Variants in SLC14A2 observed in about 807,000 individuals in gnomAD.
SLC14A2 encodes solute carrier family 14 member 2.
Under a neutral mutation model 104.6 loss-of-function variants are expected in SLC14A2, and 91 were observed. That is an observed-to-expected ratio of 0.87 (90% CI 0.73 to 1.04). The LOEUF is 1.04. Among genes scored for constraint, SLC14A2 ranks in the 50% least tolerant of loss-of-function variants. The probability of loss-of-function intolerance (pLI) is 0.00; values close to 1 mark genes in which losing one functional copy is unlikely to be tolerated. For missense variants in SLC14A2, 1,189 were observed against 1,156.0 expected, an observed-to-expected ratio of 1.03 and a Z score of -0.41; for synonymous variants, 476 against 466.4, an observed-to-expected ratio of 1.02 and a Z score of -0.27.
intron 1 of SLC14A2, among the ~76,000 whole-genome samples, chr18:45,265,028 A>G (rs1401035004): frequency 6.6e-6 from 1 of 152,174 alleles, no homozygotes; most frequent in African/African-American, 2.4e-5. Flanking sequence ...CAGGAGCAAG[A>G]CATTCATTAA....
At chr18:45,283,523 C>CA (rs371508856) in intron 1 of SLC14A2, among the ~76,000 whole-genome samples, 2 of 151,936 alleles carry the variant, frequency 1.3e-5, no homozygotes, top group Admixed American at 6.6e-5. Flanking sequence ...CAACATCAAC[C>CA]AAAAAAATGC....
At chr18:45,261,612 T>A (rs1249308969) in intron 1 of SLC14A2, among the ~76,000 whole-genome samples, 2 of 151,696 alleles carry the variant, frequency 1.3e-5, no homozygotes, top group African/African-American at 4.8e-5. Context: ...CCTGTGTCCA[T>A]GTGTTCTCAT....
At chr18:45,623,892 A>G (rs1399023634) in intron 1 of SLC14A2, among the ~76,000 whole-genome samples, 1 of 152,220 alleles carries the variant, frequency 6.6e-6, no homozygotes, top group African/African-American at 2.4e-5. Context: ...AGGCTAGAGA[A>G]GAAATGCACA....
the SLC14A2 span, chr18:45,168,955 A>G: frequency 1.3e-5 from 2 of 152,218 alleles, no homozygotes; most frequent in Admixed American, 6.5e-5. Flanking sequence ...ACCAAATTCA[A>G]TGATGACAGG....
chr18:45,549,538 C>G lies in SLC14A2; in HGVS notation c.-35+66216C>G, dbSNP rs1022506514. On this transcript the variant is annotated intron_variant, in intron 2 of 20. Coordinates refer to the SLC14A2 transcript ENST00000586448. ...AGCAGGGGGGAAGAAATCCGTTCTACCTCACCGCTTTCCACCTCTGCCCCA... is the reference window on the plus strand; with the variant it reads ...AGCAGGGGGGAAGAAATCCGTTCTAGCTCACCGCTTTCCACCTCTGCCCCA... Among the ~76,000 whole-genome samples the G allele has an allele frequency of 5.3e-5, 8 of 152,212 alleles. No homozygotes were observed. The East Asian group carries it at 1.5e-3, about 29-fold the overall frequency.
intron 1 of SLC14A2, among the ~76,000 whole-genome samples, chr18:45,343,315 T>A (rs906363243): frequency 3.3e-5 from 5 of 152,092 alleles, no homozygotes; most frequent in African/African-American, 1.2e-4. Flanking sequence ...TGGGCTGCCT[T>A]GTGCCTGCCA....
intron 1 of SLC14A2, among the ~76,000 whole-genome samples, chr18:45,428,538 G>A (rs2144542790): frequency 6.6e-6 from 1 of 152,264 alleles, no homozygotes; most frequent in Admixed American, 6.5e-5. Flanking sequence ...AAATCCTTGA[G>A]GACTGAAGAG....
chr18:45,549,090 C>T (rs187549011), intron 2 of SLC14A2, among the ~76,000 whole-genome samples: 46 of 152,346 alleles, frequency 3.0e-4, no homozygotes, highest in Admixed American at 2.7e-3. Flanking sequence ...CCTTTCTTCA[C>T]AGTCAGATAT....
intron 2 of SLC14A2, among the ~76,000 whole-genome samples, chr18:45,564,223 G>T (rs1057278724): frequency 1.3e-5 from 2 of 152,170 alleles, no homozygotes; most frequent in African/African-American, 4.8e-5. Flanking sequence ...CTTTTATTTT[G>T]ATGAGGCAGT....
chr18:45,644,166 T>C lies in SLC14A2; in HGVS notation c.1351+6T>C, dbSNP rs1320373807. On this transcript the variant is annotated splice_donor_region_variant and intron_variant, in intron 10 of 19. Coordinates refer to ENST00000255226, the MANE Select transcript of SLC14A2 (RefSeq NM_007163.4). ...AGAAGAGAAGGCCCCCAGCGGTGAA[T>C]AGCCATGTTCGGGGAAGAAACGCTC... is the stretch of plus-strand genomic sequence containing the variant. 1.9e-6 allele frequency: 3 copies of C among 1,614,046 alleles called. No individual in the cohort carries two copies. The highest frequency in any genetic ancestry group is 2.5e-6 in the Non-Finnish European group (3 of 1,179,898).
At chr18:45,272,734 A>G (rs940937385) in intron 1 of SLC14A2, among the ~76,000 whole-genome samples, 1 of 152,130 alleles carries the variant, frequency 6.6e-6, no homozygotes, top group African/African-American at 2.4e-5. Context: ...TTAGTTGTAT[A>G]TTTTAAAGTA....
intron 1 of SLC14A2, among the ~76,000 whole-genome samples, chr18:45,254,775 G>T (rs566278434): frequency 3.3e-5 from 5 of 152,104 alleles, no homozygotes; most frequent in African/African-American, 1.2e-4. Context: ...CTGGGTTTCC[G>T]TTTGCAGCAG....
At chr18:45,601,021 G>A (rs1420740443) in intron 2 of SLC14A2, among the ~76,000 whole-genome samples, 1 of 152,100 alleles carries the variant, frequency 6.6e-6, no homozygotes. Flanking sequence ...GATGGGAGGG[G>A]GGACCAAGAC....
chr18:45,588,593 A>G (rs2044601142), intron 2 of SLC14A2, among the ~76,000 whole-genome samples: 1 of 152,188 alleles, frequency 6.6e-6, no homozygotes, highest in Non-Finnish European at 1.5e-5. Context: ...CAGCTGCCAG[A>G]GGGTGTTACT....
Position 45,672,923 on chromosome 18 carries a change from A to G in SLC14A2, c.2253A>G (p.Gly751=). Residue 751 remains glycine (G), a synonymous_variant, in exon 17 of 20, where the codon GGA becomes GGG. Transcript: ENST00000255226. ...AGCTTTTGAGAGCCATCCCCGTTGG[A>G]ATTGGCCAAGTGTACGGCTGTGATA... ...VPLLLRAIPV[G]IGQVYGCDNP... 6.2e-7 allele frequency: 1 copy of G among 1,613,900 alleles called. No homozygotes were observed. Among genetic ancestry groups the G allele is most frequent in the Non-Finnish European group, 8.5e-7 (1 of 1,179,898 alleles).
Position 45,682,614 on chromosome 18 carries a change from G to C in SLC14A2, c.*95G>C. ...GACCACTTAGCCTTCCCTTTGGTCT[G>C]TTCTGTGACTCTCTCCCCAAACACA... is the stretch of plus-strand genomic sequence containing the variant. On this transcript the variant is annotated 3_prime_UTR_variant, in exon 20 of 20. Transcript: ENST00000255226. 2.1e-6 allele frequency: 2 copies of C among 973,540 alleles called. No homozygotes were observed. Among genetic ancestry groups the C allele is most frequent in the East Asian group, 2.4e-5 (1 of 41,520 alleles). 60.3% of individuals were successfully genotyped at this position (973,540 alleles called of 1,614,324 possible).
At chr18:45,256,187 T>G (rs1367358045) in intron 1 of SLC14A2, among the ~76,000 whole-genome samples, 1 of 152,186 alleles carries the variant, frequency 6.6e-6, no homozygotes, top group African/African-American at 2.4e-5. Context: ...TCTCAGACGG[T>G]AGAGGAAAGA....
intron 2 of SLC14A2, among the ~76,000 whole-genome samples, chr18:45,596,414 A>G (rs1057350750): frequency 3.9e-5 from 6 of 152,226 alleles, no homozygotes; most frequent in Non-Finnish European, 7.3e-5. Flanking sequence ...GAGATATTAC[A>G]ATTAAAAGGG....
chr18:45,350,477 A>C (rs947669565), intron 1 of SLC14A2, among the ~76,000 whole-genome samples: 1 of 152,192 alleles, frequency 6.6e-6, no homozygotes, highest in Non-Finnish European at 1.5e-5. Flanking sequence ...GGACCAGCAC[A>C]GCTCTGCATG....
Sources: allele counts gnomAD v4.1 joint callset (sites outside exome capture counted in the v4.1 genomes callset), GRCh38; gene constraint gnomAD v4.1.1; transcripts MANE v1.5; gene names NCBI Gene and HGNC (gene_info 2026-07-23, HGNC 2026-07-21).